CFH: variants seen among roughly 807,000 people sequenced by gnomAD.
CFH encodes the protein H factor 1 (complement).
CFH carries 53 observed loss-of-function variants against 147.3 expected under a neutral mutation model. The observed-to-expected ratio is 0.36, with a 90% CI of 0.29 to 0.45. The LOEUF is 0.45. Among genes scored for constraint, CFH ranks in the 20% least tolerant of loss-of-function variants. CFH has a pLI of 1.00. For synonymous variants in CFH, 536 were observed against 489.4 expected (o/e 1.10, Z -1.26); for missense variants, 1,380 against 1,498.0 (o/e 0.92, Z 1.30).
At chr1:196,739,042 T>C (rs408497) in intron 17 of CFH, among the ~76,000 whole-genome samples, 8,941 of 152,278 alleles carry the variant, frequency 0.059, 842 homozygotes, top group African/African-American at 0.2. Flanking sequence ...GTTTCACCCT[T>C]TGAGGCAATG....
chr1:196,712,116 C>T (rs1201061100), intron 9 of CFH, among the ~76,000 whole-genome samples: 1 of 152,126 alleles, frequency 6.6e-6, no homozygotes, highest in Non-Finnish European at 1.5e-5. Context: ...GAACTCATCT[C>T]ATTGTCACTT....
At chr1:196,668,320 T>C (rs1271148226) in intron 1 of CFH, among the ~76,000 whole-genome samples, 1 of 152,212 alleles carries the variant, frequency 6.6e-6, no homozygotes, top group Non-Finnish European at 1.5e-5. Context: ...TTGAAGTATA[T>C]TTTCACCATT....
chr1:196,695,789 A>T (rs1668242189), intron 9 of CFH, among the ~76,000 whole-genome samples: 1 of 152,066 alleles, frequency 6.6e-6, no homozygotes, highest in African/African-American at 2.4e-5. Context: ...GAGTTCACTC[A>T]TGATTTGGCT....
chr1:196,714,707 A>AGG, intron 10 of CFH, among the ~76,000 whole-genome samples: 5 of 124,984 alleles, frequency 4.0e-5, no homozygotes, highest in Admixed American at 8.7e-5. Flanking sequence ...AGAGAGAGAG[A>AGG]GAGAGAGAGA....
intron 1 of CFH, among the ~76,000 whole-genome samples, chr1:196,670,214 G>A (rs1667230528): frequency 6.6e-6 from 1 of 152,124 alleles, no homozygotes; most frequent in African/African-American, 2.4e-5. Flanking sequence ...GAAGGGACTT[G>A]CCTTGTCTCA....
intron 9 of CFH, among the ~76,000 whole-genome samples, chr1:196,692,758 C>CTT (rs1558163590): frequency 1.4e-4 from 3 of 20,932 alleles, no homozygotes; most frequent in African/African-American, 7.2e-4. Flanking sequence ...TTCTTTCTTT[C>CTT]TTTCTTTCTT....
intron 1 of CFH, among the ~76,000 whole-genome samples, chr1:196,665,473 A>G (rs534479): frequency 2.5e-3 from 376 of 151,904 alleles, no homozygotes; most frequent in African/African-American, 8.7e-3. Flanking sequence ...AATGAAACAT[A>G]TATGTATTTA....
intron 6 of CFH, among the ~76,000 whole-genome samples, chr1:196,682,619 A>G (rs963198160): frequency 4.0e-5 from 6 of 151,562 alleles, no homozygotes; most frequent in African/African-American, 1.5e-4. Context: ...AGATACATAA[A>G]CTGAACTTTA....
At chr1:196,698,403 C>T (rs1668350322) in intron 9 of CFH, among the ~76,000 whole-genome samples, 1 of 151,946 alleles carries the variant, frequency 6.6e-6, no homozygotes, top group African/African-American at 2.4e-5. Flanking sequence ...ACCACTGATC[C>T]CAGAGAAATA....
chr1:196,689,446 A>G lies in CFH; in HGVS notation c.991A>G (p.Lys331Glu), dbSNP rs1558161629. 6.2e-6 allele frequency: 10 copies of G among 1,613,072 alleles called. No homozygotes were observed. The highest frequency in any genetic ancestry group is 8.5e-6 in the Non-Finnish European group (10 of 1,179,450). ...GAAACCTTGTGATTATCCAGACATT[A>G]AACATGGAGGTCTATATCATGAGAA... ...TLKPCDYPDI[K>E]HGGLYHENMR... The change falls in exon 8 of 22, where the codon AAA becomes GAA. Residue 331 changes from lysine (K) to glutamate (E), a missense_variant. Physicochemically the swap from Lys to Glu is moderately conservative, Grantham distance 56. Coordinates refer to ENST00000367429, the MANE Select transcript of CFH (RefSeq NM_000186.4).
intron 9 of CFH, among the ~76,000 whole-genome samples, chr1:196,709,382 T>G (rs1668671988): frequency 6.6e-6 from 1 of 152,258 alleles, no homozygotes; most frequent in Non-Finnish European, 1.5e-5. Flanking sequence ...GTATAACAGC[T>G]TGCAGGTTGT....
At chr1:196,707,815 G>T (rs973538461) in intron 9 of CFH, among the ~76,000 whole-genome samples, 1 of 152,024 alleles carries the variant, frequency 6.6e-6, no homozygotes, top group African/African-American at 2.4e-5. Context: ...AACTACAATA[G>T]TTACTTTGAG....
chr1:196,717,049 C>A (rs1668887002), intron 11 of CFH, among the ~76,000 whole-genome samples: 1 of 151,236 alleles, frequency 6.6e-6, no homozygotes, highest in South Asian at 2.1e-4. Context: ...GACAGAAGAG[C>A]AATAGATAGT....
rs1258265814 is a variant in CFH, at chr1:196,747,220, T to C, written c.3603T>C (p.Cys1201=). The C allele has an allele frequency of 6.2e-7, 1 of 1,613,930 alleles. No homozygotes were observed. Among genetic ancestry groups the C allele is most frequent in the East Asian group, 2.2e-5 (1 of 44,852 alleles). Reference sequence around the variant, plus strand: ...CAGGTGAATCAGTTGAATTTGTGTGTAAACGGGGATATCGTCTTTCATCAC... The same window carrying C: ...CAGGTGAATCAGTTGAATTTGTGTGCAAACGGGGATATCGTCTTTCATCAC... The part of the protein sequence containing the change: ...SRTGESVEFV[C]KRGYRLSSRS... Residue 1201 remains cysteine (C), a synonymous_variant, in exon 22 of 22, where the codon TGT becomes TGC. Transcript: ENST00000367429.
intron 1 of CFH, among the ~76,000 whole-genome samples, chr1:196,657,622 A>G (rs150175395): frequency 1.5e-4 from 23 of 152,324 alleles, no homozygotes; most frequent in African/African-American, 5.1e-4. Context: ...TAGTATTACT[A>G]TAGATCAGTG....
intron 9 of CFH, among the ~76,000 whole-genome samples, chr1:196,708,540 G>T (rs1255587244): frequency 6.6e-6 from 1 of 152,044 alleles, no homozygotes; most frequent in African/African-American, 2.4e-5. Flanking sequence ...TTACAGTGGG[G>T]AATATCACAC....
At chr1:196,692,815 TTTCTTTC>T (rs1558163831) in intron 9 of CFH, among the ~76,000 whole-genome samples, 4,197 of 78,280 alleles carry the variant, frequency 0.054, 420 homozygotes, top group East Asian at 0.22. Flanking sequence ...TCTTTCTTTC[TTTCTTTC>T]TCTTTCCTTC....
At chr1:196,712,141 G>A (rs1668736447) in intron 9 of CFH, among the ~76,000 whole-genome samples, 3 of 151,988 alleles carry the variant, frequency 2.0e-5, no homozygotes, top group Admixed American at 1.3e-4. Flanking sequence ...TCTGGAATTA[G>A]GTGCTTCCTG....
chr1:196,671,923 A>G (rs889605821), intron 1 of CFH, among the ~76,000 whole-genome samples: 1 of 150,890 alleles, frequency 6.6e-6, no homozygotes, highest in Non-Finnish European at 1.5e-5. Flanking sequence ...ATATATATGT[A>G]TACAGCTTTT....
Sources: allele counts gnomAD v4.1 joint callset (sites outside exome capture counted in the v4.1 genomes callset), GRCh38; gene constraint gnomAD v4.1.1; transcripts MANE v1.5; gene names NCBI Gene and HGNC (gene_info 2026-07-23, HGNC 2026-07-21).